Variants in SH3BP2 observed in about 807,000 individuals in gnomAD.
The protein encoded by SH3BP2 is SH3 domain-binding protein 2.
In SH3BP2, 38 loss-of-function variants were observed where a neutral mutation model predicts 56.2. The observed-to-expected ratio is 0.68, with a 90% CI of 0.52 to 0.89. The LOEUF (loss-of-function observed/expected upper bound fraction) is 0.89. Ranked by LOEUF, SH3BP2 falls within the 40% of genes least tolerant of loss-of-function variation. The probability of loss-of-function intolerance (pLI) is 0.00; values close to 1 mark genes in which losing one functional copy is unlikely to be tolerated. For missense variants in SH3BP2, 748 were observed against 762.6 expected (o/e 0.98, Z 0.23); for synonymous variants, 346 against 316.7 (o/e 1.09, Z -0.98).
At chr4:2,823,670 G>A in intron 3 of SH3BP2, 1 of 370,686 alleles carries the variant, frequency 2.7e-6, no homozygotes. Flanking sequence ...ACCCAGCTCT[G>A]GTTCTGGTTG....
At chr4:2,833,580 C>T in intron 12 of SH3BP2, 117 bp from the exon 13 acceptor site, 1 of 1,383,044 alleles carries the variant, frequency 7.2e-7, no homozygotes, top group Middle Eastern at 2.0e-4. Flanking sequence ...CAGCCAGGGG[C>T]CAGCCTGGTG....
intron 1 of SH3BP2, among the ~76,000 whole-genome samples, chr4:2,812,688 A>AG (rs1402965486): frequency 2.0e-5 from 3 of 152,082 alleles, no homozygotes; most frequent in African/African-American, 7.2e-5. Context: ...TGGCAGGCAC[A>AG]GGGGGAGGCC....
chr4:2,831,582 C>T lies in SH3BP2; in HGVS notation c.1253C>T (p.Pro418Leu), dbSNP rs121909146. The change falls in exon 9 of 13, where the codon CCC (proline) becomes CTC (leucine). Residue 418 changes from proline to leucine, a missense_variant. Coordinates refer to ENST00000503393, the MANE Select transcript of SH3BP2 (RefSeq NM_001122681.2). The surrounding 1 kb of genome is among the most constrained non-coding windows in gnomAD (Gnocchi z 4.1). ...PQLPHLQRSP[P>L]DGQSFRSFSF... ...CCCTGCCCCTCCAGGCGATCACCCC[C>T]CGATGGGCAGAGTTTCAGGAGCTTC... 1 of 1,588,300 alleles carries T rather than the reference C, an allele frequency of 6.3e-7. No homozygotes were observed. The highest frequency in any genetic ancestry group is 8.6e-7 in the Non-Finnish European group (1 of 1,166,540).
chr4:2,795,201 G>T (rs1211658930), intron 1 of SH3BP2, among the ~76,000 whole-genome samples: 1 of 152,166 alleles, frequency 6.6e-6, no homozygotes, highest in Non-Finnish European at 1.5e-5. Flanking sequence ...TCCTGTTTTG[G>T]GTGGGGGCAG....
chr4:2,832,142 A>G (rs753218922), intron 10 of SH3BP2, 164 bp downstream of exon 10: 5 of 971,304 alleles, frequency 5.1e-6, no homozygotes, highest in Non-Finnish European at 4.9e-6. Flanking sequence ...TCCCATGCCC[A>G]GCTGGCACCC....
At chr4:2,832,203 G>C in intron 10 of SH3BP2, 128 bp from the exon 11 acceptor site, 1 of 1,024,130 alleles carries the variant, frequency 9.8e-7, no homozygotes, top group South Asian at 1.3e-5. Flanking sequence ...ACGGCAGCCC[G>C]ACGTGCTCAG....
intron 1 of SH3BP2, chr4:2,815,007 GGA>G (rs1723932475): frequency 6.6e-6 from 1 of 152,340 alleles, no homozygotes; most frequent in Non-Finnish European, 1.5e-5. Flanking sequence ...GCACAGCCAG[GGA>G]GGCCTGGCCA....
intron 1 of SH3BP2, among the ~76,000 whole-genome samples, chr4:2,804,219 C>T (rs542516492): frequency 9.8e-5 from 15 of 152,306 alleles, no homozygotes; most frequent in African/African-American, 2.6e-4. Flanking sequence ...GTTCCTCATC[C>T]GAGTCTCTGC....
intron 5 of SH3BP2, chr4:2,826,989 G>C (rs77508647): frequency 3.0e-6 from 2 of 668,040 alleles, no homozygotes; most frequent in Non-Finnish European, 5.5e-6. Flanking sequence ...CAGAGTATGT[G>C]TGCATGTGTG....
At position 2,824,911 on chromosome 4, in the gene SH3BP2, C is replaced by T. The variant is rs1169229462; in HGVS notation, c.357+181C>T. The T allele has an allele frequency of 7.5e-6, 5 of 670,852 alleles. No homozygotes were observed. In the African/African-American group the frequency reaches 8.9e-5, roughly 12 times the overall value. 41.6% of individuals were successfully genotyped at this position (670,852 alleles called of 1,614,324 possible). ...GTGCTGCCCCAGCTCCATCCCCATG[C>T]CCAGAGCCTGGTGCCAGCGCCCACA... On this transcript the variant is annotated intron_variant, in intron 4 of 12. Transcript: ENST00000503393.
intron 1 of SH3BP2, among the ~76,000 whole-genome samples, chr4:2,795,228 G>A (rs1225704854): frequency 6.6e-6 from 1 of 152,198 alleles, no homozygotes; most frequent in Non-Finnish European, 1.5e-5. Context: ...GCCTGGAGAG[G>A]CCTGGGTAAA....
chr4:2,802,669 GTGTGTATA>G (rs1723357913), intron 1 of SH3BP2, among the ~76,000 whole-genome samples: 2 of 147,888 alleles, frequency 1.4e-5, no homozygotes, highest in African/African-American at 2.6e-5. Context: ...GTGTGTGTGT[GTGTGTATA>G]TATATATGTA....
At chr4:2,808,505 C>T (rs959764131) in intron 1 of SH3BP2, among the ~76,000 whole-genome samples, 2 of 152,146 alleles carry the variant, frequency 1.3e-5, no homozygotes, top group East Asian at 1.9e-4. Context: ...AGGCAGGGTC[C>T]TTCTTTCTAG....
rs760531065 is a variant in SH3BP2, at chr4:2,829,662, G to A, written c.756G>A (p.Glu252=). 8.7e-6 allele frequency: 14 copies of A among 1,613,042 alleles called. 1 individual carries two copies. Among genetic ancestry groups the A allele is most frequent in the Admixed American group, 1.7e-5 (1 of 60,000 alleles). ...TCCCAGATGTTGGCCTGGCTGCTGA[G>A]GACTCCAAGAGGGACCCACTGTGCC... ...HGLPDVGLAA[E]DSKRDPLCPR... is the part of the protein sequence containing the mutation. Residue 252 remains glutamate, a synonymous_variant, in exon 8 of 13, where the codon GAG becomes GAA. Transcript: ENST00000503393. This position sits in a 1 kb window ranked among gnomAD's most constrained non-coding sequence, Gnocchi z 4.9.
intron 1 of SH3BP2, among the ~76,000 whole-genome samples, chr4:2,807,981 C>T (rs1262961617): frequency 2.0e-5 from 3 of 152,278 alleles, no homozygotes; most frequent in South Asian, 4.1e-4. Flanking sequence ...CGCCCACACT[C>T]GGGATCAGAC....
chr4:2,804,230 G>T (rs963536123), intron 1 of SH3BP2, among the ~76,000 whole-genome samples: 2 of 152,144 alleles, frequency 1.3e-5, no homozygotes, highest in Non-Finnish European at 2.9e-5. Flanking sequence ...GAGTCTCTGC[G>T]GATGCGTGGA....
intron 1 of SH3BP2, among the ~76,000 whole-genome samples, chr4:2,806,412 C>G (rs1207358961): frequency 6.6e-6 from 1 of 152,208 alleles, no homozygotes. Flanking sequence ...CACATCAGGA[C>G]TCTGGAGAAT....
chr4:2,802,399 AAT>A (rs1466282478), intron 1 of SH3BP2, among the ~76,000 whole-genome samples: 102 of 105,012 alleles, frequency 9.7e-4, no homozygotes, highest in Admixed American at 3.0e-3. Context: ...GTCTCAAAAA[AAT>A]ATATGTGTGT....
Position 2,827,471 on chromosome 4 carries a change from G to A in SH3BP2, c.518-135G>A, listed in dbSNP as rs1284752746. The A allele has an allele frequency of 1.2e-5, 14 of 1,176,354 alleles. No homozygotes were observed. In the East Asian group the frequency reaches 1.5e-4, roughly 13 times the overall value. The allele number at this position is 1,176,354 out of a possible 1,614,324, so 72.9% of individuals were successfully genotyped here. A position where few individuals can be genotyped will look rare whatever the true frequency, so the allele number is the denominator to read the frequency against. ...GCATCCCTGGGCTCTGGCCTTCAGC[G>A]GCAGGGTCTGGACTCACAGTCCTCC... On this transcript the variant is annotated intron_variant, in intron 6 of 12. Coordinates refer to ENST00000503393, the MANE Select transcript of SH3BP2 (RefSeq NM_001122681.2).
Sources: gnomAD v4.1 joint callset for allele counts (sites outside exome capture counted in the v4.1 genomes callset) on GRCh38, gnomAD v4.1.1 for gene constraint, Gnocchi (gnomAD v3.1) non-coding constraint, MANE v1.5 for transcripts, NCBI Gene and HGNC (gene_info 2026-07-23, HGNC 2026-07-21) for gene names.